Variants in SLC38A8 observed in about 807,000 individuals in gnomAD.
The protein encoded by SLC38A8 is solute carrier family 38 member 8.
SLC38A8 carries 65 observed loss-of-function variants against 46.0 expected under a neutral mutation model. The ratio of observed to expected loss-of-function variants is 1.41; its 90% CI spans 1.16 to 1.74. The LOEUF (loss-of-function observed/expected upper bound fraction) is 1.74. Among genes scored for constraint, SLC38A8 ranks in the 40% most tolerant of loss-of-function variants. SLC38A8 has a pLI of 0.00. For missense variants in SLC38A8, 998 were observed against 567.9 expected, an observed-to-expected ratio of 1.76 and a Z score of -7.70; for synonymous variants, 447 against 243.7, an observed-to-expected ratio of 1.83 and a Z score of -7.77.
chr16:84,009,781 C>G lies in SLC38A8; in HGVS notation c.*3G>C, dbSNP rs771245111. 2 of 1,613,132 alleles carry G rather than the reference C, an allele frequency of 1.2e-6. No homozygotes were observed. The highest frequency in any genetic ancestry group is 2.2e-5 in the East Asian group (1 of 44,838). On this transcript the variant is annotated 3_prime_UTR_variant, in exon 11 of 11. Transcript: ENST00000299709. ...CCCCTTCCTGCCCGGCACTAGCTGC[C>G]CATCAGAACATCTCCCAGACCGCTG...
rs754676944 is a variant in SLC38A8 at position 84,022,864 on chromosome 16, T to C, written c.716A>G (p.Tyr239Cys). The change falls in exon 7 of 11, where the codon TAC becomes TGC. Residue 239 changes from tyrosine to cysteine, a missense_variant. Tyr to Cys is a radical substitution (Grantham distance 194). Coordinates refer to ENST00000299709, the MANE Select transcript of SLC38A8 (RefSeq NM_001080442.3). ...FQCHEAAVSI[Y>C]CSMRKRSLSH... ...GAGGCTCCGTTTGCGCATGCTGCAG[T>C]AGATGGAGACGGCAGCTTCGTGACA... 1.9e-6 allele frequency: 3 copies of C among 1,608,042 alleles called. No individual in the cohort carries two copies. Among genetic ancestry groups the C allele is most frequent in the South Asian group, 2.2e-5 (2 of 90,198 alleles).
chr16:84,017,190 A>G lies in SLC38A8; in HGVS notation c.903T>C (p.Leu301=), dbSNP rs1421510729. 2 of 1,613,956 alleles carry G rather than the reference A, an allele frequency of 1.2e-6. No homozygotes were observed. The highest frequency in any genetic ancestry group is 1.7e-6 in the Non-Finnish European group (2 of 1,180,028). The change falls in exon 8 of 11, where the codon CTT becomes CTC. Residue 301 remains leucine (L), a synonymous_variant. Coordinates refer to ENST00000299709, the MANE Select transcript of SLC38A8 (RefSeq NM_001080442.3). The part of the protein sequence containing the change: ...NDMVIIVARV[L]FAVSIVTVYP... ...AGACAGTTACGATGGAGACAGCAAA[A>G]AGGACCCGGGCCACAATGATGACCA...
At chr16:84,033,610 A>ACCT in intron 3 of SLC38A8, 141 bp from the exon 4 acceptor site, 1 of 909,756 alleles carries the variant, frequency 1.1e-6, no homozygotes, top group Non-Finnish European at 1.6e-6. Flanking sequence ...ACGACAAGTG[A>ACCT]GATGGAGACA....
chr16:84,024,551 C>G (rs1024098288), intron 6 of SLC38A8, among the ~76,000 whole-genome samples: 1 of 151,638 alleles, frequency 6.6e-6, no homozygotes, highest in Non-Finnish European at 1.5e-5. Context: ...GAGGCCAAGG[C>G]GTGTGGATCA....
rs1173382914 is a variant in SLC38A8, at chr16:84,036,140, C to A, written c.388+562G>T. 2.0e-5 allele frequency among the ~76,000 whole-genome samples: 3 copies of A among 152,340 alleles called. No homozygotes were observed. The East Asian group carries it at 5.8e-4, about 29-fold the overall frequency. ...AACCGTGAAGGAATCTAAAAAACTC[C>A]TCAATAATTGTCAATTAAACACTAC... On this transcript the variant is annotated intron_variant, in intron 3 of 10. Transcript: ENST00000299709.
intron 10 of SLC38A8, among the ~76,000 whole-genome samples, chr16:84,012,736 G>A (rs1411043109): frequency 6.6e-6 from 1 of 152,226 alleles, no homozygotes; most frequent in Non-Finnish European, 1.5e-5. Flanking sequence ...GGTGCTTCCA[G>A]AGGCTGGAAT....
intron 9 of SLC38A8, among the ~76,000 whole-genome samples, chr16:84,014,449 G>T: frequency 6.6e-6 from 1 of 151,304 alleles, no homozygotes; most frequent in African/African-American, 2.4e-5. Context: ...ACCTCTGAAA[G>T]CCCTGCCCAG....
intron 7 of SLC38A8, among the ~76,000 whole-genome samples, chr16:84,017,662 C>A (rs897004203): frequency 6.6e-6 from 1 of 152,244 alleles, no homozygotes; most frequent in South Asian, 2.1e-4. Flanking sequence ...GCTGTGCACA[C>A]ATTTCCAAAT....
At chr16:84,021,892 C>G (rs544814380) in intron 7 of SLC38A8, among the ~76,000 whole-genome samples, 1 of 152,210 alleles carries the variant, frequency 6.6e-6, no homozygotes, top group Non-Finnish European at 1.5e-5. Flanking sequence ...TGAAGTGGCG[C>G]GCAGAGTGTC....
chr16:84,029,581 A>G, intron 5 of SLC38A8, 30 bp from the exon 6 acceptor site: 1 of 1,612,044 alleles, frequency 6.2e-7, no homozygotes, highest in South Asian at 1.1e-5. Flanking sequence ...GGAGTTTATT[A>G]AAGAAGGGTC....
rs778998469 is a variant in SLC38A8 at position 84,025,889 on chromosome 16, G to T, written c.691-3000C>A. ...TGGCCCCAGGTTTCCTGTCCTACAG[G>T]AGGGCTCTGCCAGCAGGGGGGACGC... is the stretch of plus-strand genomic sequence containing the variant. On this transcript the variant is annotated intron_variant, in intron 6 of 10. Coordinates refer to ENST00000299709, the MANE Select transcript of SLC38A8 (RefSeq NM_001080442.3). Among the ~76,000 whole-genome samples the T allele has an allele frequency of 4.8e-4, 73 of 152,206 alleles. 1 individual carries two copies. Among genetic ancestry groups the T allele is most frequent in the Non-Finnish European group, 1.6e-4 (11 of 68,032 alleles).
chr16:84,034,460 G>A (rs897244867), intron 3 of SLC38A8, among the ~76,000 whole-genome samples: 2 of 152,216 alleles, frequency 1.3e-5, no homozygotes, highest in Admixed American at 6.5e-5. Context: ...AGGCGAGTGG[G>A]AGGGTGGTTG....
chr16:84,012,209 G>A (rs1471606828), intron 10 of SLC38A8, among the ~76,000 whole-genome samples: 3 of 152,190 alleles, frequency 2.0e-5, no homozygotes, highest in Admixed American at 2.0e-4. Context: ...CCCCATCTAT[G>A]GGATGGGAGG....
chr16:84,031,812 C>T (rs528777066), intron 5 of SLC38A8, 55 bp downstream of exon 5: 1 of 1,470,440 alleles, frequency 6.8e-7, no homozygotes, highest in Non-Finnish European at 9.5e-7. Context: ...CCCTCACAGA[C>T]TCCCCTGCCG....
At chr16:84,026,281 G>C (rs2085163742) in intron 6 of SLC38A8, among the ~76,000 whole-genome samples, 1 of 152,186 alleles carries the variant, frequency 6.6e-6, no homozygotes, top group Non-Finnish European at 1.5e-5. Flanking sequence ...CCAGGCTGGA[G>C]TACAGTTGCA....
intron 9 of SLC38A8, among the ~76,000 whole-genome samples, chr16:84,015,355 T>C (rs749503060): frequency 1.3e-5 from 2 of 151,542 alleles, no homozygotes; most frequent in Non-Finnish European, 2.9e-5. Flanking sequence ...TTTGGGAAGG[T>C]TTCCTAAGAA....
intron 5 of SLC38A8, 146 bp from the exon 6 acceptor site, chr16:84,029,697 G>A (rs984439873): frequency 4.5e-5 from 35 of 785,600 alleles, no homozygotes; most frequent in Non-Finnish European, 5.7e-5. Context: ...GTCCGTGACC[G>A]GGCTTTTGGA....
Position 84,022,237 on chromosome 16 carries a change from G to A in SLC38A8, c.805+538C>T, listed in dbSNP as rs796769598. 3.5e-4 allele frequency among the ~76,000 whole-genome samples: 54 copies of A among 152,312 alleles called. 1 individual carries two copies. Among genetic ancestry groups the A allele is most frequent in the African/African-American group, 1.3e-3 (53 of 41,576 alleles). ...GAATGAAAAAAGACTGGCGTCAAGT[G>A]GCCAACCAGAAGCCAGCCGTGCCAG... On this transcript the variant is annotated intron_variant, in intron 7 of 10. Coordinates refer to ENST00000299709, the MANE Select transcript of SLC38A8 (RefSeq NM_001080442.3).
chr16:84,029,358 G>A (rs777913936), intron 6 of SLC38A8, 136 bp downstream of exon 6: 24 of 799,484 alleles, frequency 3.0e-5, no homozygotes, highest in African/African-American at 1.7e-4. Context: ...ACAGGTGGGC[G>A]GCACAGAGCC....
Sources: allele counts gnomAD v4.1 joint callset (sites outside exome capture counted in the v4.1 genomes callset), GRCh38; gene constraint gnomAD v4.1.1; transcripts MANE v1.5; gene names NCBI Gene and HGNC (gene_info 2026-07-23, HGNC 2026-07-21).